Variants in AGMO observed in about 807,000 individuals in gnomAD.
AGMO encodes the protein alkylglycerol monooxygenase.
Under a neutral mutation model 60.2 loss-of-function variants are expected in AGMO, and 75 were observed. The ratio of observed to expected loss-of-function variants is 1.25; its 90% CI spans 1.03 to 1.51. The LOEUF (loss-of-function observed/expected upper bound fraction) is 1.51, where lower values mean the gene tolerates loss of function less well. AGMO is among the 40% of genes most tolerant of loss of function. The pLI, the probability that AGMO is intolerant of heterozygous loss-of-function variation, is 0.00. For missense variants in AGMO, 763 were observed against 525.5 expected (o/e 1.45, Z -4.42); for synonymous variants, 261 against 177.1 (o/e 1.47, Z -3.76).
intron 3 of AGMO, among the ~76,000 whole-genome samples, chr7:15,481,576 A>G (rs1467892049): frequency 6.6e-6 from 1 of 152,158 alleles, no homozygotes; most frequent in Admixed American, 6.5e-5. Context: ...TATAAGCAAA[A>G]AGAAAAAGAA....
intron 12 of AGMO, among the ~76,000 whole-genome samples, chr7:15,262,499 C>G (rs959397663): frequency 1.3e-5 from 2 of 150,978 alleles, no homozygotes; most frequent in African/African-American, 4.8e-5. Context: ...AAACCCCATG[C>G]TCACGGGTAG....
chr7:15,130,037 T>C, the AGMO span, among the ~76,000 whole-genome samples: 146 of 152,196 alleles, frequency 9.6e-4, no homozygotes, highest in African/African-American at 2.9e-3. Context: ...AAATAGGAAA[T>C]TGCAAAGTGC....
chr7:15,551,230 T>C (rs909575478), intron 2 of AGMO, among the ~76,000 whole-genome samples: 1 of 152,106 alleles, frequency 6.6e-6, no homozygotes, highest in African/African-American at 2.4e-5. Context: ...GGGCAAAAAC[T>C]GGAAGCATTC....
At chr7:15,232,026 A>G (rs867269527) in intron 12 of AGMO, among the ~76,000 whole-genome samples, 5 of 152,160 alleles carry the variant, frequency 3.3e-5, no homozygotes, top group African/African-American at 1.2e-4. Flanking sequence ...CCCCAAAGTC[A>G]TATTTGTCAT....
intron 12 of AGMO, among the ~76,000 whole-genome samples, chr7:15,354,365 TATAG>T: frequency 2.5e-5 from 2 of 81,514 alleles, no homozygotes; most frequent in African/African-American, 1.5e-4. Context: ...GACGTGTGTA[TATAG>T]ACGTGTGTAT....
chr7:15,552,342 C>T (rs1784989329), intron 2 of AGMO, among the ~76,000 whole-genome samples: 1 of 152,160 alleles, frequency 6.6e-6, no homozygotes, highest in African/African-American at 2.4e-5. Flanking sequence ...AACTAAAGAG[C>T]TTCTGCACAG....
At chr7:15,314,643 A>G (rs1280340269) in intron 12 of AGMO, among the ~76,000 whole-genome samples, 1 of 152,190 alleles carries the variant, frequency 6.6e-6, no homozygotes, top group African/African-American at 2.4e-5. Context: ...ACAATATTCA[A>G]AAATATATAA....
At chr7:15,265,104 A>T (rs1016089799) in intron 12 of AGMO, among the ~76,000 whole-genome samples, 1 of 152,174 alleles carries the variant, frequency 6.6e-6, no homozygotes. Flanking sequence ...TGCAACTATT[A>T]AAAAAGAATG....
chr7:15,253,053 G>A (rs1782986673), intron 12 of AGMO, among the ~76,000 whole-genome samples: 2 of 152,158 alleles, frequency 1.3e-5, no homozygotes, highest in Non-Finnish European at 2.9e-5. Context: ...TTTGATAAAT[G>A]GGCAGCAGCT....
intron 10 of AGMO, among the ~76,000 whole-genome samples, chr7:15,382,347 G>C (rs1562474162): frequency 6.6e-6 from 1 of 152,074 alleles, no homozygotes; most frequent in East Asian, 1.9e-4. Context: ...TATATACGAG[G>C]AATGTGCTCG....
At chr7:15,472,340 T>C (rs759599300) in intron 3 of AGMO, among the ~76,000 whole-genome samples, 5 of 151,950 alleles carry the variant, frequency 3.3e-5, no homozygotes, top group Non-Finnish European at 7.4e-5. Context: ...TGGAAATGTA[T>C]TTCTTAAAAG....
chr7:15,319,405 A>G (rs1453056680), intron 12 of AGMO, among the ~76,000 whole-genome samples: 3 of 152,128 alleles, frequency 2.0e-5, no homozygotes, highest in Non-Finnish European at 2.9e-5. Flanking sequence ...AGGCCCTCAT[A>G]AAACAACCCT....
intron 3 of AGMO, among the ~76,000 whole-genome samples, chr7:15,539,311 A>C (rs1784559815): frequency 1.3e-5 from 2 of 151,986 alleles, no homozygotes; most frequent in African/African-American, 4.8e-5. Context: ...GCCACCCTCG[A>C]GTTGGCTGCA....
At chr7:15,282,735 A>C (rs1281278512) in intron 12 of AGMO, among the ~76,000 whole-genome samples, 1 of 152,188 alleles carries the variant, frequency 6.6e-6, no homozygotes, top group Non-Finnish European at 1.5e-5. Flanking sequence ...CAAGAAGCTC[A>C]AACAACTCCT....
At chr7:15,355,944 A>G (rs1490522704) in intron 12 of AGMO, among the ~76,000 whole-genome samples, 2 of 149,538 alleles carry the variant, frequency 1.3e-5, no homozygotes, top group African/African-American at 5.0e-5. Context: ...AAAAAATCAC[A>G]GAAAAGGAAA....
chr7:15,300,232 G>T (rs1784527942), intron 12 of AGMO, among the ~76,000 whole-genome samples: 1 of 152,048 alleles, frequency 6.6e-6, no homozygotes, highest in Admixed American at 6.6e-5. Flanking sequence ...TTAAAGCACA[G>T]TGAGGGAAGT....
At chr7:15,381,614 G>A (rs1291862264) in intron 10 of AGMO, among the ~76,000 whole-genome samples, 1 of 152,058 alleles carries the variant, frequency 6.6e-6, no homozygotes, top group Non-Finnish European at 1.5e-5. Flanking sequence ...AAGACAGTGT[G>A]GAATTCCTCA....
At chr7:15,207,267 T>C (rs1781462830) in intron 12 of AGMO, among the ~76,000 whole-genome samples, 1 of 152,222 alleles carries the variant, frequency 6.6e-6, no homozygotes, top group Non-Finnish European at 1.5e-5. Flanking sequence ...GTATAAACCA[T>C]AGTTAGCATA....
intron 12 of AGMO, among the ~76,000 whole-genome samples, chr7:15,275,864 G>C (rs1208499560): frequency 6.6e-6 from 1 of 151,716 alleles, no homozygotes; most frequent in African/African-American, 2.4e-5. Context: ...ATTCCTGCTT[G>C]CATTTGTTTT....
Sources: gnomAD v4.1 joint callset for allele counts (sites outside exome capture counted in the v4.1 genomes callset) on GRCh38, gnomAD v4.1.1 for gene constraint, MANE v1.5 for transcripts, NCBI Gene and HGNC (gene_info 2026-07-23, HGNC 2026-07-21) for gene names.